Variants in TDRD3 observed in about 807,000 individuals in gnomAD.
TDRD3 encodes the protein tudor domain containing 3, also known as tudor domain-containing protein 3.
In TDRD3, 45 loss-of-function variants were observed where a neutral mutation model predicts 86.7. The observed-to-expected ratio is 0.52, with a 90% CI of 0.41 to 0.67. The LOEUF is 0.67. TDRD3 is among the 30% of genes least tolerant of loss of function. The probability of loss-of-function intolerance (pLI) is 0.00; values close to 1 mark genes in which losing one functional copy is unlikely to be tolerated. For synonymous variants in TDRD3, 298 were observed against 301.7 expected (o/e 0.99, Z 0.13); for missense variants, 814 against 889.0 (o/e 0.92, Z 1.07).
intron 3 of TDRD3, among the ~76,000 whole-genome samples, chr13:60,458,790 G>A (rs1317076470): frequency 1.3e-5 from 2 of 152,098 alleles, no homozygotes; most frequent in Non-Finnish European, 2.9e-5. Flanking sequence ...AGCTACATGT[G>A]GCTGGAGGAT....
At chr13:60,477,243 C>A (rs1159409062) in intron 5 of TDRD3, among the ~76,000 whole-genome samples, 1 of 150,978 alleles carries the variant, frequency 6.6e-6, no homozygotes, top group East Asian at 1.9e-4. Context: ...AAGACAGAAT[C>A]TTGCTCTGTC....
intron 11 of TDRD3, among the ~76,000 whole-genome samples, chr13:60,533,502 G>T (rs1957628992): frequency 6.6e-6 from 1 of 152,040 alleles, no homozygotes; most frequent in African/African-American, 2.4e-5. Context: ...TTAGCCAGGT[G>T]TAGTAGCACG....
intron 1 of TDRD3, among the ~76,000 whole-genome samples, chr13:60,431,388 AG>A: frequency 6.6e-6 from 1 of 152,016 alleles, no homozygotes; most frequent in African/African-American, 2.4e-5. Context: ...AAAGCTATCT[AG>A]GTTTAACTTT....
chr13:60,445,550 G>C (rs1488893944), intron 3 of TDRD3, among the ~76,000 whole-genome samples: 5 of 152,132 alleles, frequency 3.3e-5, no homozygotes, highest in Admixed American at 6.5e-5. Flanking sequence ...GTGTGCACCA[G>C]AATTTCCCAG....
intron 1 of TDRD3, among the ~76,000 whole-genome samples, chr13:60,424,898 T>C (rs935192025): frequency 5.3e-5 from 8 of 152,340 alleles, no homozygotes; most frequent in Admixed American, 2.0e-4. Flanking sequence ...TTGTGGCTTT[T>C]AATGTTTGGC....
At chr13:60,488,627 G>T (rs1429084775) in intron 7 of TDRD3, among the ~76,000 whole-genome samples, 1 of 151,964 alleles carries the variant, frequency 6.6e-6, no homozygotes, top group Non-Finnish European at 1.5e-5. Context: ...AGGGTGGAGT[G>T]CAGTGGCGCG....
chr13:60,413,621 A>C (rs1001762350), intron 1 of TDRD3, among the ~76,000 whole-genome samples: 4 of 152,134 alleles, frequency 2.6e-5, no homozygotes, highest in African/African-American at 9.7e-5. Context: ...GTATGTCAAG[A>C]CTGGACTCAC....
intron 12 of TDRD3, chr13:60,547,201 T>C: frequency 1.0e-6 from 1 of 978,154 alleles, no homozygotes; most frequent in South Asian, 4.7e-5. Context: ...CCAAAAAAAA[T>C]CTCATGACAT....
rs986385737 is a variant in TDRD3 at position 60,430,226 on chromosome 13, A to G, written c.42-9462A>G. 5.9e-5 allele frequency among the ~76,000 whole-genome samples: 9 copies of G among 152,174 alleles called. 1 individual carries two copies. The highest frequency in any genetic ancestry group is 1.3e-4 in the Non-Finnish European group (9 of 68,018). On this transcript the variant is annotated intron_variant, in intron 1 of 13. Transcript: ENST00000377881. ...TTTTTGTAATACCTTACATTTATAA[A>G]TAGCATTTCTTATGGAAACTTAACC...
chr13:60,570,103 A>G (rs146464953), intron 13 of TDRD3, among the ~76,000 whole-genome samples: 182 of 152,336 alleles, frequency 1.2e-3, no homozygotes, highest in Admixed American at 3.9e-3. Flanking sequence ...ATAGCAAAGG[A>G]AACAGTCAAC....
chr13:60,572,869 G>T (rs1958617256), intron 13 of TDRD3, among the ~76,000 whole-genome samples: 1 of 152,116 alleles, frequency 6.6e-6, no homozygotes, highest in Non-Finnish European at 1.5e-5. Context: ...AATGATCACT[G>T]TAAAGATAAC....
Position 60,509,893 on chromosome 13 carries a change from A to C in TDRD3, c.989A>C (p.Lys330Thr). 6.2e-7 allele frequency: 1 copy of C among 1,613,674 alleles called. No homozygotes were observed. The highest frequency in any genetic ancestry group is 8.5e-7 in the Non-Finnish European group (1 of 1,179,618). The change falls in exon 9 of 14, where the codon AAA becomes ACA. Residue 330 changes from lysine to threonine, a missense_variant. Lys to Thr is a moderately conservative substitution (Grantham distance 78, BLOSUM62 -1). Transcript: ENST00000377881. ...LNVLLTSNKQ[K>T]PVMGPPLRGR... ...GTACTTCTTACAAGCAATAAACAGA[A>C]ACCTGTTATGGGTCCTCCTCTGAGA...
intron 12 of TDRD3, among the ~76,000 whole-genome samples, chr13:60,557,819 G>GTTTTTTTTTTTTTTTTTTTTTTTTTTT (rs1491187240): frequency 1.1e-5 from 1 of 89,936 alleles, no homozygotes; most frequent in Non-Finnish European, 2.6e-5. Context: ...TTTTTTTCCT[G>GTTTTTTTTTTTTTTTTTTTTTTTTTTT]ATTTTTTTTT....
chr13:60,475,562 G>A (rs1956166698), intron 5 of TDRD3, among the ~76,000 whole-genome samples: 1 of 152,134 alleles, frequency 6.6e-6, no homozygotes, highest in Non-Finnish European at 1.5e-5. Context: ...ACAAACAAGT[G>A]CATGTGTCTT....
At chr13:60,423,502 C>CTA (rs1429796175) in intron 1 of TDRD3, among the ~76,000 whole-genome samples, 4 of 152,102 alleles carry the variant, frequency 2.6e-5, no homozygotes, top group Non-Finnish European at 5.9e-5. Context: ...TCTTAAGTGC[C>CTA]TATGGCACAT....
chr13:60,502,041 C>A (rs905174813), intron 8 of TDRD3, among the ~76,000 whole-genome samples: 1 of 152,184 alleles, frequency 6.6e-6, no homozygotes, highest in Non-Finnish European at 1.5e-5. Context: ...TATAGCAGTT[C>A]CCGCAAGTGT....
At chr13:60,479,703 A>G (rs1008365313) in intron 5 of TDRD3, among the ~76,000 whole-genome samples, 8 of 152,188 alleles carry the variant, frequency 5.3e-5, no homozygotes, top group African/African-American at 1.7e-4. Context: ...CATATTTAGG[A>G]TAGCTAAGTC....
intron 12 of TDRD3, among the ~76,000 whole-genome samples, chr13:60,565,713 T>C (rs576286459): frequency 1.4e-4 from 22 of 152,322 alleles, no homozygotes; most frequent in African/African-American, 5.3e-4. Context: ...CTTCATCTCC[T>C]ACAGTACCAA....
chr13:60,483,805 G>C lies in TDRD3; in HGVS notation c.526G>C (p.Gly176Arg). The change falls in exon 6 of 14, where the codon GGA becomes CGA. Residue 176 changes from glycine to arginine, a missense_variant. Transcript: ENST00000377881. ...ATCAAAACACAATAGAAGCAATATT[G>C]GAACTGAAGGTGGACCACCGCCTTT... ...SLSKHNRSNI[G>R]TEGGPPPFVP... 2 of 1,613,248 alleles carry C rather than the reference G, an allele frequency of 1.2e-6. No homozygotes were observed. Among genetic ancestry groups the C allele is most frequent in the South Asian group, 2.2e-5 (2 of 90,998 alleles).
Sources: allele counts gnomAD v4.1 joint callset (sites outside exome capture counted in the v4.1 genomes callset), GRCh38; gene constraint gnomAD v4.1.1; transcripts MANE v1.5; gene names NCBI Gene and HGNC (gene_info 2026-07-23, HGNC 2026-07-21).